MLLT6: variants seen among roughly 807,000 people sequenced by gnomAD.
MLLT6 encodes protein AF-17.
MLLT6 carries 22 observed loss-of-function variants against 103.0 expected under a neutral mutation model. That is an observed-to-expected ratio of 0.21 (90% CI 0.15 to 0.31). MLLT6 has a LOEUF of 0.31. Among genes scored for constraint, MLLT6 ranks in the 10% least tolerant of loss-of-function variants. The pLI is 1.00. For synonymous variants in MLLT6, 606 were observed against 623.5 expected (o/e 0.97, Z 0.42); for missense variants, 1,199 against 1,441.7 (o/e 0.83, Z 2.73).
chr17:38,716,202 G>A lies in MLLT6; in HGVS notation c.1037-165G>A. On this transcript the variant is annotated intron_variant, in intron 9 of 19. Transcript: ENST00000621332. The surrounding 1 kb of genome is among the most constrained non-coding windows in gnomAD (Gnocchi z 5.6). ...TTTTATTACAGGTGGGAAAGCTGGA[G>A]GGGTCGGGGGTACTCATCCCAGGAC... The A allele has an allele frequency of 1.5e-6, 1 of 688,628 alleles. No homozygotes were observed. Among genetic ancestry groups the A allele is most frequent in the Non-Finnish European group, 2.4e-6 (1 of 419,538 alleles). The allele number at this position is 688,628 out of a possible 1,614,324, so 42.7% of individuals were successfully genotyped here. A position where few individuals can be genotyped will look rare whatever the true frequency, so the allele number is the denominator to read the frequency against.
chr17:38,719,505 C>T lies in MLLT6; in HGVS notation c.1943-12C>T, dbSNP rs766828363. 3.1e-6 allele frequency: 5 copies of T among 1,605,094 alleles called. No individual in the cohort carries two copies. Among genetic ancestry groups the T allele is most frequent in the Non-Finnish European group, 4.3e-6 (5 of 1,176,434 alleles). On this transcript the variant is annotated splice_polypyrimidine_tract_variant and intron_variant, in intron 12 of 19. Transcript: ENST00000621332. ...CTCCTCCACGCTGATCCCAGCCTTC[C>T]CTTCTTCCAAGAGCCAGACCTGGAG...
At chr17:38,725,077 A>G in intron 19 of MLLT6, 101 bp downstream of exon 19, 1 of 871,640 alleles carries the variant, frequency 1.1e-6, no homozygotes, top group Non-Finnish European at 1.7e-6. Flanking sequence ...GGGGGAAGGA[A>G]GCAACCCCTA....
In MLLT6 at chr17:38,709,989, A is replaced by G. The variant is rs1477099514; in HGVS notation, c.552+414A>G. ...ACCAACCCTAAGAACTAGGTGTGCT[A>G]TATTTTCCCCATTTTACAGATGAGT... On this transcript the variant is annotated intron_variant, in intron 6 of 19. Transcript: ENST00000621332. The surrounding 1 kb of genome is among the most constrained non-coding windows in gnomAD (Gnocchi z 4.3). 5.3e-5 allele frequency among the ~76,000 whole-genome samples: 8 copies of G among 152,214 alleles called. No homozygotes were observed. Among genetic ancestry groups the G allele is most frequent in the Non-Finnish European group, 8.8e-5 (6 of 68,028 alleles).
At position 38,716,346 on chromosome 17, in the gene MLLT6, C is replaced by T. The variant is rs773270251; in HGVS notation, c.1037-21C>T. ...GCGGGGATCTGGGGTCCAGCTGTAACTGTTTCCCCTCTGTGCACAGTCTCG... is the reference window on the plus strand; with the variant it reads ...GCGGGGATCTGGGGTCCAGCTGTAATTGTTTCCCCTCTGTGCACAGTCTCG... On this transcript the variant is annotated intron_variant, in intron 9 of 19. Coordinates refer to ENST00000621332, the MANE Select transcript of MLLT6 (RefSeq NM_005937.4). This position sits in a 1 kb window ranked among gnomAD's most constrained non-coding sequence, Gnocchi z 5.6. The T allele has an allele frequency of 6.3e-7, 1 of 1,596,426 alleles. No individual in the cohort carries two copies. The highest frequency in any genetic ancestry group is 1.9e-5 in the Admixed American group (1 of 53,576).
chr17:38,720,542 C>T lies in MLLT6; in HGVS notation c.2326C>T (p.Pro776Ser). Residue 776 changes from proline to serine, a missense_variant, in exon 15 of 20, where the codon CCT becomes TCT. Pro to Ser is a moderately conservative substitution (Grantham distance 74). Coordinates refer to ENST00000621332, the MANE Select transcript of MLLT6 (RefSeq NM_005937.4). Reference sequence around the variant, plus strand: ...CCTGCCTGCCGCCAACGGCCCTGTCCCTGGGCCCTATGGCCTGCCTCCCCA... The same window carrying T: ...CCTGCCTGCCGCCAACGGCCCTGTCTCTGGGCCCTATGGCCTGCCTCCCCA... ...AALPAANGPV[P>S]GPYGLPPQAG... The T allele has an allele frequency of 1.2e-6, 2 of 1,612,324 alleles. No individual in the cohort carries two copies. Among genetic ancestry groups the T allele is most frequent in the Non-Finnish European group, 1.7e-6 (2 of 1,179,604 alleles).
Position 38,727,133 on chromosome 17 carries a change from GTTTT to G in MLLT6, c.*1548_*1551del, listed in dbSNP as rs757431772. On this transcript the variant is annotated 3_prime_UTR_variant, in exon 20 of 20. Coordinates refer to ENST00000621332, the MANE Select transcript of MLLT6 (RefSeq NM_005937.4). ...TTTCTGTTTGGGTTTTTGTTGTTGGGTTTTTTTTTTTTTTTTAATAAAGAAAAGA... is the reference window on the plus strand; with the variant it reads ...TTTCTGTTTGGGTTTTTGTTGTTGGGTTTTTTTTTTTTAATAAAGAAAAGA... The G allele has an allele frequency of 4.7e-6, 1 of 210,720 alleles. No homozygotes were observed. Among genetic ancestry groups the G allele is most frequent in the Non-Finnish European group, 9.2e-6 (1 of 108,630 alleles). The allele number at this position is 210,720 out of a possible 1,614,324, so 13.1% of individuals were successfully genotyped here.
Position 38,724,877 on chromosome 17 carries a change from A to C in MLLT6, c.3141A>C (p.Ala1047=), listed in dbSNP as rs758909535. The part of the protein sequence containing the change: ...SLMAAAAAAA[A]VAAAGGPPVL... Reference sequence around the variant, plus strand: ...TGGCCGCAGCAGCTGCAGCTGCAGCAGTAGCAGCAGCAGGCGGACCTCCAG... The same window carrying C: ...TGGCCGCAGCAGCTGCAGCTGCAGCCGTAGCAGCAGCAGGCGGACCTCCAG... The change falls in exon 19 of 20, where the codon GCA becomes GCC. Residue 1047 remains alanine, a synonymous_variant. Transcript: ENST00000621332. This position sits in a 1 kb window ranked among gnomAD's most constrained non-coding sequence, Gnocchi z 5.4. The C allele has an allele frequency of 1.2e-5, 18 of 1,561,534 alleles. No homozygotes were observed. The highest frequency in any genetic ancestry group is 1.6e-5 in the Non-Finnish European group (18 of 1,153,100).
At chr17:38,706,792 G>C in intron 1 of MLLT6, 158 bp from the exon 2 acceptor site, 1 of 511,660 alleles carries the variant, frequency 2.0e-6, no homozygotes, top group South Asian at 3.2e-5. Context: ...TGGGCGGTTG[G>C]GCAGTCCTGC....
rs763892855 is a variant in MLLT6, at chr17:38,719,915, G to A, written c.2155+20G>A. ...TCAACAGTGAGGAGGGGTGGCGCCG[G>A]TCGGGACGCCTGCCCTAGGGCCCTA... On this transcript the variant is annotated intron_variant, in intron 14 of 19. Coordinates refer to ENST00000621332, the MANE Select transcript of MLLT6 (RefSeq NM_005937.4). 1 of 1,554,660 alleles carries A rather than the reference G, an allele frequency of 6.4e-7. No homozygotes were observed. Among genetic ancestry groups the A allele is most frequent in the Non-Finnish European group, 8.7e-7 (1 of 1,149,936 alleles).
At chr17:38,717,053 C>T in intron 10 of MLLT6, 72 bp downstream of exon 10, 1 of 1,579,242 alleles carries the variant, frequency 6.3e-7, no homozygotes, top group Non-Finnish European at 8.6e-7. Context: ...CTTACACATG[C>T]ACTTAGAAGG....
Position 38,727,173 on chromosome 17 carries a change from AT to A in MLLT6, c.*1580del. The A allele has an allele frequency of 4.6e-6, 1 of 219,600 alleles. No homozygotes were observed. The allele number at this position is 219,600 out of a possible 1,614,324, so 13.6% of individuals were successfully genotyped here. A position where few individuals can be genotyped will look rare whatever the true frequency, so the allele number is the denominator to read the frequency against. On this transcript the variant is annotated 3_prime_UTR_variant, in exon 20 of 20. Transcript: ENST00000621332. ...TTAATAAAGAAAAGAAGATGTGTAT[AT>A]TTTTGGCAACGACAGAAACGTAGTG...
intron 19 of MLLT6, chr17:38,725,322 G>C: frequency 3.6e-6 from 2 of 554,110 alleles, no homozygotes; most frequent in South Asian, 4.9e-5. Flanking sequence ...TCCCTCTCCT[G>C]AGGGCACACG....
rs752519707 is a variant in MLLT6, at chr17:38,717,918, A to G, written c.1907A>G (p.Asn636Ser). ...HIFGTPMGAV[N>S]PLLSQAESSH... ...TTTGGAACCCCCATGGGTGCCGTTA[A>G]TCCCCTCCTCTCCCAAGCTGAGAGC... Residue 636 changes from asparagine to serine, a missense_variant, in exon 12 of 20, where the codon AAT (asparagine) becomes AGT (serine). Coordinates refer to ENST00000621332, the MANE Select transcript of MLLT6 (RefSeq NM_005937.4). 6 of 1,613,564 alleles carry G rather than the reference A, an allele frequency of 3.7e-6. No homozygotes were observed. Among genetic ancestry groups the G allele is most frequent in the Non-Finnish European group, 4.2e-6 (5 of 1,179,614 alleles).
Position 38,709,158 on chromosome 17 carries a change from C to T in MLLT6, c.355-15C>T, listed in dbSNP as rs766270517. On this transcript the variant is annotated splice_polypyrimidine_tract_variant and intron_variant, in intron 4 of 19. Coordinates refer to ENST00000621332, the MANE Select transcript of MLLT6 (RefSeq NM_005937.4). This position sits in a 1 kb window ranked among gnomAD's most constrained non-coding sequence, Gnocchi z 4.3. ...GGCTCCCTGGAGGAGGGGACGATTG[C>T]GCTGTGTCCTGCAGACCTGTTACAT... The T allele has an allele frequency of 3.3e-5, 53 of 1,602,214 alleles. No homozygotes were observed. Among genetic ancestry groups the T allele is most frequent in the African/African-American group, 6.7e-5 (5 of 74,378 alleles).
intron 12 of MLLT6, 107 bp downstream of exon 12, chr17:38,718,060 C>T (rs967634045): frequency 1.3e-6 from 1 of 779,856 alleles, no homozygotes; most frequent in African/African-American, 1.7e-5. Flanking sequence ...TGCCCCCTCC[C>T]TCTGGCCATT....
Position 38,715,592 on chromosome 17 carries a change from T to G in MLLT6, c.820-20T>G, listed in dbSNP as rs541576960. 9 of 1,598,152 alleles carry G rather than the reference T, an allele frequency of 5.6e-6. No homozygotes were observed. The East Asian group carries it at 1.6e-4, about 28-fold the overall frequency. On this transcript the variant is annotated intron_variant, in intron 8 of 19. Coordinates refer to ENST00000621332, the MANE Select transcript of MLLT6 (RefSeq NM_005937.4). ...GGCCCAGGCACCTGGTGTTGAACCT[T>G]CCTCTCTCCTCTCCTTCAGGTCTCC... is the stretch of plus-strand genomic sequence containing the variant.
rs1172703520 is a variant in MLLT6, at chr17:38,724,082, C to G, written c.2884-538C>G. ...GACCTAGTCAGTAGTTTTGGCGAAA[C>G]CCCGTCTCTACTAAAAATACAAAAA... On this transcript the variant is annotated intron_variant, in intron 18 of 19. Coordinates refer to ENST00000621332, the MANE Select transcript of MLLT6 (RefSeq NM_005937.4). The surrounding 1 kb of genome is among the most constrained non-coding windows in gnomAD (Gnocchi z 5.4). 1.3e-5 allele frequency among the ~76,000 whole-genome samples: 2 copies of G among 151,950 alleles called. No homozygotes were observed. The highest frequency in any genetic ancestry group is 4.8e-5 in the African/African-American group (2 of 41,354).
At position 38,707,421 on chromosome 17, in the gene MLLT6, G is replaced by C. The variant is rs964577333; in HGVS notation, c.190-65G>C. On this transcript the variant is annotated intron_variant, in intron 2 of 19. Coordinates refer to ENST00000621332, the MANE Select transcript of MLLT6 (RefSeq NM_005937.4). The stretch of plus-strand genomic sequence containing the variant: ...TTAGCATTTCAGCCTGGGACCCCTT[G>C]AACGTGTTCAGGGAGGGTCCAGCTC... The C allele has an allele frequency of 2.0e-5, 30 of 1,523,882 alleles. No homozygotes were observed. In the Admixed American group the frequency reaches 3.2e-4, roughly 16 times the overall value. The allele number at this position is 1,523,882 out of a possible 1,614,324, so 94.4% of individuals were successfully genotyped here. A position where few individuals can be genotyped will look rare whatever the true frequency, so the allele number is the denominator to read the frequency against.
intron 16 of MLLT6, 25 bp downstream of exon 16, chr17:38,720,772 G>A (rs1465721450): frequency 1.2e-6 from 2 of 1,600,740 alleles, no homozygotes; most frequent in Non-Finnish European, 1.7e-6. Context: ...GAGTGGGGCA[G>A]GAAGGAGGGG....
Sources: gnomAD v4.1 joint callset for allele counts (sites outside exome capture counted in the v4.1 genomes callset) on GRCh38, gnomAD v4.1.1 for gene constraint, Gnocchi (gnomAD v3.1) non-coding constraint, MANE v1.5 for transcripts, NCBI Gene and HGNC (gene_info 2026-07-23, HGNC 2026-07-21) for gene names.